The following DGKB variants were observed in gnomAD, a reference collection of about 807,000 sequenced individuals.
The protein encoded by DGKB is diacylglycerol kinase beta.
In DGKB, 67 loss-of-function variants were observed where a neutral mutation model predicts 114.3. The observed-to-expected ratio is 0.59, with a 90% confidence interval of 0.48 to 0.72. DGKB has a LOEUF of 0.72. DGKB is among the 30% of genes least tolerant of loss of function. The probability of loss-of-function intolerance (pLI) is 0.00; values close to 1 mark genes in which losing one functional copy is unlikely to be tolerated. For missense variants in DGKB, 907 were observed against 975.2 expected, an observed-to-expected ratio of 0.93 and a Z score of 0.93; for synonymous variants, 398 against 323.1, an observed-to-expected ratio of 1.23 and a Z score of -2.49.
chr7:14,788,484 A>G (rs1840203938), intron 2 of DGKB, among the ~76,000 whole-genome samples: 1 of 152,142 alleles, frequency 6.6e-6, no homozygotes, highest in South Asian at 2.1e-4. Context: ...CCTATCAAAC[A>G]CAAACCAATG....
At chr7:14,637,954 T>A (rs1811056829) in intron 13 of DGKB, among the ~76,000 whole-genome samples, 1 of 152,094 alleles carries the variant, frequency 6.6e-6, no homozygotes, top group African/African-American at 2.4e-5. Flanking sequence ...GAAGTTCCAT[T>A]CTATAATAAA....
chr7:14,884,382 G>A (rs1854695928), intron 1 of DGKB, among the ~76,000 whole-genome samples: 2 of 151,910 alleles, frequency 1.3e-5, no homozygotes, highest in South Asian at 4.1e-4. Flanking sequence ...GTGAATTTCA[G>A]TTCATTCTTT....
intron 2 of DGKB, among the ~76,000 whole-genome samples, chr7:14,803,966 T>G (rs1178139749): frequency 6.6e-6 from 1 of 152,128 alleles, no homozygotes; most frequent in Non-Finnish European, 1.5e-5. Context: ...AGAATTTTAG[T>G]ACTTTCTTTT....
intron 1 of DGKB, among the ~76,000 whole-genome samples, chr7:14,880,771 A>G (rs1587141197): frequency 6.6e-6 from 1 of 152,346 alleles, no homozygotes; most frequent in South Asian, 2.1e-4. Flanking sequence ...CAAGCTCGTA[A>G]CTTTAATTTA....
At chr7:14,559,322 T>C (rs893055424) in intron 20 of DGKB, among the ~76,000 whole-genome samples, 9 of 152,192 alleles carry the variant, frequency 5.9e-5, no homozygotes, top group African/African-American at 1.7e-4. Flanking sequence ...GTTATGTCTC[T>C]AAAGTCCCAG....
chr7:14,197,758 G>GT (rs1785233331), intron 23 of DGKB, among the ~76,000 whole-genome samples: 1 of 152,078 alleles, frequency 6.6e-6, no homozygotes, highest in South Asian at 2.1e-4. Flanking sequence ...AGAAAGGTCT[G>GT]TTTCTCAAAT....
intron 25 of DGKB, among the ~76,000 whole-genome samples, chr7:14,169,520 A>G (rs1345692354): frequency 6.6e-6 from 1 of 152,146 alleles, no homozygotes; most frequent in Non-Finnish European, 1.5e-5. Flanking sequence ...AAAACGAAGT[A>G]CTATGCATGG....
intron 23 of DGKB, among the ~76,000 whole-genome samples, chr7:14,195,330 T>G (rs1784871515): frequency 6.6e-6 from 1 of 152,128 alleles, no homozygotes; most frequent in East Asian, 1.9e-4. Flanking sequence ...CGCTCATGAA[T>G]GAAGGCTGAT....
chr7:14,520,799 C>G (rs12670156), intron 20 of DGKB, among the ~76,000 whole-genome samples: 2,031 of 152,026 alleles, frequency 0.013, 51 homozygotes, highest in East Asian at 0.098. Flanking sequence ...GTTCTGCATT[C>G]ATTTGGTAGG....
intron 23 of DGKB, among the ~76,000 whole-genome samples, chr7:14,231,090 TCTTTCTTTC>T (rs1791686474): frequency 1.7e-5 from 1 of 59,106 alleles, no homozygotes; most frequent in South Asian, 5.6e-4. Context: ...TCCCTTTCTT[TCTTTCTTTC>T]TTTCTTTCTT....
At chr7:14,941,255 C>T (rs991267999) in intron 1 of DGKB, among the ~76,000 whole-genome samples, 3 of 151,928 alleles carry the variant, frequency 2.0e-5, no homozygotes, top group African/African-American at 7.2e-5. Context: ...ATTATTAAAA[C>T]AGCCTATGTG....
intron 2 of DGKB, among the ~76,000 whole-genome samples, chr7:14,810,006 T>C (rs1586658863): frequency 6.6e-6 from 1 of 152,224 alleles, no homozygotes; most frequent in Admixed American, 6.5e-5. Flanking sequence ...AGCAAATCAC[T>C]GTTAAACATG....
intron 23 of DGKB, among the ~76,000 whole-genome samples, chr7:14,253,315 A>G (rs2128395636): frequency 6.6e-6 from 1 of 152,232 alleles, no homozygotes; most frequent in South Asian, 2.1e-4. Flanking sequence ...TATAGGCATG[A>G]GCCACCAAAC....
chr7:14,973,960 A>C (rs116267096), intron 1 of DGKB, among the ~76,000 whole-genome samples: 2,706 of 150,500 alleles, frequency 0.018, 83 homozygotes, highest in African/African-American at 0.062. Context: ...CATACTATTT[A>C]AAATATATTA....
At chr7:14,866,684 G>T (rs1321469847) in intron 1 of DGKB, among the ~76,000 whole-genome samples, 1 of 152,050 alleles carries the variant, frequency 6.6e-6, no homozygotes, top group Admixed American at 6.6e-5. Flanking sequence ...TAATGAAACT[G>T]CTATAAACAT....
intron 24 of DGKB, among the ~76,000 whole-genome samples, chr7:14,177,624 A>T (rs1320097155): frequency 6.6e-6 from 1 of 151,936 alleles, no homozygotes; most frequent in Non-Finnish European, 1.5e-5. Flanking sequence ...AAAAAGTTAA[A>T]ATTTAAAACA....
chr7:14,278,882 G>T (rs915714025), intron 23 of DGKB, among the ~76,000 whole-genome samples: 18 of 152,188 alleles, frequency 1.2e-4, no homozygotes, highest in African/African-American at 4.3e-4. Flanking sequence ...GAGGAGCCAA[G>T]ACGGCCGAAT....
intron 20 of DGKB, among the ~76,000 whole-genome samples, chr7:14,479,239 A>C (rs1479800005): frequency 6.6e-6 from 1 of 152,194 alleles, no homozygotes; most frequent in African/African-American, 2.4e-5. Flanking sequence ...TATTTGAGAG[A>C]ATCTTGAAAA....
At chr7:14,890,919 TAAAG>T (rs1354427457) in intron 1 of DGKB, among the ~76,000 whole-genome samples, 1 of 151,174 alleles carries the variant, frequency 6.6e-6, no homozygotes, top group Non-Finnish European at 1.5e-5. Context: ...TGAAATTGAT[TAAAG>T]AAAGCTCCAA....
Sources: gnomAD v4.1 joint callset for allele counts (sites outside exome capture counted in the v4.1 genomes callset) on GRCh38, gnomAD v4.1.1 for gene constraint, MANE v1.5 for transcripts, NCBI Gene and HGNC (gene_info 2026-07-23, HGNC 2026-07-21) for gene names.